The following RAB31 variants were observed in gnomAD, a reference collection of about 807,000 sequenced individuals.
The protein encoded by RAB31 is RAB31, member RAS oncogene family.
RAB31 carries 21 observed loss-of-function variants against 25.6 expected under a neutral mutation model. The ratio of observed to expected loss-of-function variants is 0.82; its 90% CI spans 0.58 to 1.18. The LOEUF is 1.18. RAB31 is among the 50% of genes most tolerant of loss of function. RAB31 has a pLI of 0.00. For missense variants in RAB31, 196 were observed against 250.1 expected, an observed-to-expected ratio of 0.78 and a Z score of 1.46; for synonymous variants, 87 against 84.0, an observed-to-expected ratio of 1.04 and a Z score of -0.20.
rs766283674 is a variant in RAB31, at chr18:9,775,361, A to G, written c.119+4A>G. On this transcript the variant is annotated splice_donor_region_variant and intron_variant, in intron 2 of 6. Transcript: ENST00000578921. ...ACAACATCAGCCCTACTATTGGGTA[A>G]GTTCCTGTATGTCATTCTCCTTCGC... 5 of 1,613,586 alleles carry G rather than the reference A, an allele frequency of 3.1e-6. No homozygotes were observed. In the African/African-American group the frequency reaches 5.3e-5, roughly 17 times the overall value.
chr18:9,747,991 C>T (rs564781813), intron 1 of RAB31, among the ~76,000 whole-genome samples: 6 of 152,298 alleles, frequency 3.9e-5, no homozygotes, highest in East Asian at 1.9e-4. Context: ...CTACGGTCAA[C>T]GGCATCCACA....
chr18:9,817,414 T>C (rs1481346372), intron 5 of RAB31, among the ~76,000 whole-genome samples: 2 of 152,114 alleles, frequency 1.3e-5, no homozygotes, highest in Admixed American at 6.5e-5. Flanking sequence ...GTAATCCACA[T>C]GGTAAAAACA....
intron 3 of RAB31, among the ~76,000 whole-genome samples, chr18:9,802,322 T>G (rs1404659377): frequency 6.6e-6 from 1 of 152,218 alleles, no homozygotes; most frequent in East Asian, 1.9e-4. Flanking sequence ...CCAGCTGTCT[T>G]TCAACTCTTT....
At chr18:9,728,849 T>C (rs1328339425) in intron 1 of RAB31, among the ~76,000 whole-genome samples, 1 of 152,172 alleles carries the variant, frequency 6.6e-6, no homozygotes, top group East Asian at 1.9e-4. Context: ...ATGAATATAA[T>C]AAATTTTTTT....
In RAB31 at chr18:9,806,343, T is replaced by C. The variant is rs181046028; in HGVS notation, c.202-7677T>C. 2.0e-3 allele frequency among the ~76,000 whole-genome samples: 298 copies of C among 152,308 alleles called. 1 individual carries two copies. Among genetic ancestry groups the C allele is most frequent in the South Asian group, 8.3e-3 (40 of 4,826 alleles). ...AGTCATTAAATATTTGTCGAGTCCT[T>C]GCTATGGTCCAGATAGGGATTCAGG... On this transcript the variant is annotated intron_variant, in intron 3 of 6. Coordinates refer to ENST00000578921, the MANE Select transcript of RAB31 (RefSeq NM_006868.4).
intron 1 of RAB31, among the ~76,000 whole-genome samples, chr18:9,724,323 C>T (rs1186667431): frequency 6.9e-6 from 1 of 145,312 alleles, no homozygotes; most frequent in East Asian, 2.0e-4. Context: ...TGATACTTCA[C>T]ATAATGTACT....
At position 9,766,328 on chromosome 18, in the gene RAB31, C is replaced by A. The variant is rs1357540962; in HGVS notation, c.40-8950C>A. Among the ~76,000 whole-genome samples the A allele has an allele frequency of 2.0e-5, 3 of 152,320 alleles. No individual in the cohort carries two copies. Among genetic ancestry groups the A allele is most frequent in the Admixed American group, 6.5e-5 (1 of 15,312 alleles). On this transcript the variant is annotated intron_variant, in intron 1 of 6. Transcript: ENST00000578921. The surrounding 1 kb of genome is among the most constrained non-coding windows in gnomAD (Gnocchi z 4.3). ...CTGCATCTGCGAGCTCCATCTGCCCCCGGAGTGGGTGAGCCAGGCAAGCGT... is the reference window on the plus strand; with the variant it reads ...CTGCATCTGCGAGCTCCATCTGCCCACGGAGTGGGTGAGCCAGGCAAGCGT...
chr18:9,755,767 T>C (rs1245270521), intron 1 of RAB31, among the ~76,000 whole-genome samples: 1 of 152,146 alleles, frequency 6.6e-6, no homozygotes, highest in African/African-American at 2.4e-5. Context: ...CTCTCTCCTT[T>C]GAATGAATGA....
At chr18:9,813,926 GT>G (rs1418640650) in intron 3 of RAB31, 93 bp from the exon 4 acceptor site, 1 of 768,582 alleles carries the variant, frequency 1.3e-6, no homozygotes, top group African/African-American at 1.7e-5. Context: ...TAGGGATCCT[GT>G]AAGGATGATG....
At chr18:9,781,209 A>G (rs1479200443) in intron 2 of RAB31, among the ~76,000 whole-genome samples, 1 of 151,842 alleles carries the variant, frequency 6.6e-6, no homozygotes, top group Non-Finnish European at 1.5e-5. Context: ...TATGATTTTG[A>G]ATTCTATTCT....
At chr18:9,844,148 C>T (rs1189677391) in intron 5 of RAB31, among the ~76,000 whole-genome samples, 1 of 152,164 alleles carries the variant, frequency 6.6e-6, no homozygotes, top group East Asian at 1.9e-4. Context: ...CCATTCTATG[C>T]ACCATTTTTT....
intron 5 of RAB31, among the ~76,000 whole-genome samples, chr18:9,839,474 C>T (rs1381026593): frequency 6.6e-6 from 1 of 152,042 alleles, no homozygotes; most frequent in Non-Finnish European, 1.5e-5. Flanking sequence ...GGCTAGAGGA[C>T]CAGGAAAGGC....
At chr18:9,856,403 C>G (rs1028759504) in intron 6 of RAB31, 2 of 152,178 alleles carry the variant, frequency 1.3e-5, no homozygotes, top group Non-Finnish European at 2.9e-5. Context: ...GTACGCTCTT[C>G]CTTTCTAGAT....
chr18:9,708,490 C>T lies in RAB31; in HGVS notation c.39+46C>T. The T allele has an allele frequency of 2.0e-6, 3 of 1,499,774 alleles. No homozygotes were observed. The highest frequency in any genetic ancestry group is 2.7e-6 in the Non-Finnish European group (3 of 1,114,056). 92.9% of individuals were successfully genotyped at this position (1,499,774 alleles called of 1,614,324 possible). ...GCCGGCGGACCCCGGCCCGCGCTCT[C>T]GCGCCCCTTCGCTCCCCTATTCCCT... On this transcript the variant is annotated intron_variant, in intron 1 of 6. Coordinates refer to ENST00000578921, the MANE Select transcript of RAB31 (RefSeq NM_006868.4). This position sits in a 1 kb window ranked among gnomAD's most constrained non-coding sequence, Gnocchi z 6.4.
intron 1 of RAB31, among the ~76,000 whole-genome samples, chr18:9,716,157 T>G (rs1453774819): frequency 6.6e-6 from 1 of 152,164 alleles, no homozygotes; most frequent in Non-Finnish European, 1.5e-5. Context: ...TTCCCCTTCT[T>G]TTTTCCCCAT....
intron 5 of RAB31, among the ~76,000 whole-genome samples, chr18:9,820,785 C>T (rs934798049): frequency 5.3e-5 from 8 of 151,978 alleles, no homozygotes; most frequent in Non-Finnish European, 8.8e-5. Flanking sequence ...AAACTTCTCT[C>T]TTTTTTTCTC....
chr18:9,750,532 G>A (rs1199784940), intron 1 of RAB31, among the ~76,000 whole-genome samples: 1 of 152,138 alleles, frequency 6.6e-6, no homozygotes, highest in Non-Finnish European at 1.5e-5. Flanking sequence ...ATGCAAAACT[G>A]GGCACTGCTC....
chr18:9,772,997 T>G lies in RAB31; in HGVS notation c.40-2281T>G, dbSNP rs187454937. On this transcript the variant is annotated intron_variant, in intron 1 of 6. Coordinates refer to ENST00000578921, the MANE Select transcript of RAB31 (RefSeq NM_006868.4). ...AATAGCAGCGGCATCAATTGGCATCTCAGGAGCTGATGTTTTGATTCTGCC... is the reference window on the plus strand; with the variant it reads ...AATAGCAGCGGCATCAATTGGCATCGCAGGAGCTGATGTTTTGATTCTGCC... 6.6e-5 allele frequency among the ~76,000 whole-genome samples: 10 copies of G among 152,310 alleles called. No individual in the cohort carries two copies. The East Asian group carries it at 1.9e-3, about 29-fold the overall frequency.
intron 5 of RAB31, among the ~76,000 whole-genome samples, chr18:9,843,439 A>C (rs2068744212): frequency 6.6e-6 from 1 of 151,178 alleles, no homozygotes; most frequent in Admixed American, 6.6e-5. Flanking sequence ...CCACCTACTC[A>C]GGAGGCTGAG....
Sources: allele counts gnomAD v4.1 joint callset (sites outside exome capture counted in the v4.1 genomes callset), GRCh38; gene constraint gnomAD v4.1.1; non-coding constraint Gnocchi (gnomAD v3.1); transcripts MANE v1.5; gene names NCBI Gene and HGNC (gene_info 2026-07-23, HGNC 2026-07-21).